PRKAR1B: variants seen among roughly 807,000 people sequenced by gnomAD.
PRKAR1B encodes cAMP-dependent protein kinase type I-beta regulatory subunit.
PRKAR1B carries 22 observed loss-of-function variants against 46.5 expected under a neutral mutation model. That is an observed-to-expected ratio of 0.47 (90% CI 0.34 to 0.68). The LOEUF is 0.68. Ranked by LOEUF, PRKAR1B falls within the 30% of genes least tolerant of loss-of-function variation. The pLI is 0.01. For missense variants in PRKAR1B, 445 were observed against 535.6 expected (o/e 0.83, Z 1.67); for synonymous variants, 259 against 217.7 (o/e 1.19, Z -1.67).
intron 1 of PRKAR1B, among the ~76,000 whole-genome samples, chr7:725,823 T>C (rs1781243854): frequency 1.3e-5 from 2 of 152,244 alleles, no homozygotes; most frequent in Admixed American, 1.3e-4. Context: ...TTTCAGGCTC[T>C]GCATTCTGAT....
chr7:699,338 T>G (rs1203430557), intron 2 of PRKAR1B, among the ~76,000 whole-genome samples: 1 of 152,188 alleles, frequency 6.6e-6, no homozygotes, highest in Non-Finnish European at 1.5e-5. Flanking sequence ...GTGCCATATC[T>G]CGGTGTTCCT....
chr7:631,123 G>T (rs1783713348), intron 4 of PRKAR1B, among the ~76,000 whole-genome samples: 1 of 151,992 alleles, frequency 6.6e-6, no homozygotes, highest in African/African-American at 2.4e-5. Context: ...GGTAATTTTT[G>T]TATTTTTAGT....
At chr7:726,778 G>C (rs943370779) in intron 1 of PRKAR1B, 1 of 1,270,630 alleles carries the variant, frequency 7.9e-7, no homozygotes, top group Non-Finnish European at 9.9e-7. Flanking sequence ...TGAGGGGGCC[G>C]AGACGGCTGA....
At chr7:634,437 GACTGC>G (rs1039693807) in intron 4 of PRKAR1B, among the ~76,000 whole-genome samples, 2 of 152,100 alleles carry the variant, frequency 1.3e-5, no homozygotes, top group African/African-American at 4.8e-5. Flanking sequence ...GTGATCTCAT[GACTGC>G]ACTCCAGCCT....
intron 2 of PRKAR1B, chr7:697,137 C>G (rs570198912): frequency 6.6e-6 from 1 of 152,320 alleles, no homozygotes; most frequent in African/African-American, 2.4e-5. Flanking sequence ...GCTCCGTGGC[C>G]AGAATGTGCC....
chr7:677,060 C>T (rs116400709), intron 4 of PRKAR1B, among the ~76,000 whole-genome samples, 169 bp downstream of exon 4: 13 of 151,070 alleles, frequency 8.6e-5, no homozygotes, highest in African/African-American at 2.7e-4. Context: ...GCCCACCTCC[C>T]GGAGGCCGGA....
chr7:596,333 C>T (rs377610946), intron 6 of PRKAR1B, 29 bp from the exon 7 acceptor site: 95 of 1,589,528 alleles, frequency 6.0e-5, no homozygotes, highest in African/African-American at 1.5e-4. Context: ...AGAAGTGTCA[C>T]GGGGGCCAGG....
At chr7:711,302 A>C in intron 2 of PRKAR1B, 27 bp downstream of exon 2, 2 of 1,612,884 alleles carry the variant, frequency 1.2e-6, no homozygotes, top group Admixed American at 1.7e-5. Flanking sequence ...GTGCGAAGGG[A>C]AGCAGCGGGC....
intron 2 of PRKAR1B, 57 bp from the exon 3 acceptor site, chr7:680,783 C>T (rs754537286): frequency 2.5e-6 from 4 of 1,594,108 alleles, no homozygotes; most frequent in Non-Finnish European, 3.4e-6. Flanking sequence ...CCCGGCCAGG[C>T]ACAGGGCCCA....
chr7:602,829 G>T lies in PRKAR1B; in HGVS notation c.549+3364C>A. ...AGCAGTGAGCTCTGTTCGTTTTTCT[G>T]AGTAATATGGAAATGGCACGGCTCA... On this transcript the variant is annotated intron_variant, in intron 6 of 10. Coordinates refer to ENST00000537384, the MANE Select transcript of PRKAR1B (RefSeq NM_001164760.2). The surrounding 1 kb of genome is among the most constrained non-coding windows in gnomAD (Gnocchi z 6.4). 1 of 157,648 alleles carries T rather than the reference G, an allele frequency of 6.3e-6. No individual in the cohort carries two copies. 9.8% of individuals were successfully genotyped at this position (157,648 alleles called of 1,614,324 possible).
In PRKAR1B at chr7:677,361, C is replaced by A. The variant is rs771789312; in HGVS notation, c.349-41G>T. On this transcript the variant is annotated intron_variant, in intron 3 of 10. Coordinates refer to ENST00000537384, the MANE Select transcript of PRKAR1B (RefSeq NM_001164760.2). ...CACATCACCGTGTGAGCCACCCTGG[C>A]CTGATGCTGTGACGCGGCCTGAAAT... is the stretch of plus-strand genomic sequence containing the variant. 2.8e-5 allele frequency: 44 copies of A among 1,580,122 alleles called. 2 individuals are homozygous for A. In the South Asian group the frequency reaches 4.9e-4, roughly 17 times the overall value.
chr7:563,906 T>G (rs1778975722), intron 9 of PRKAR1B, among the ~76,000 whole-genome samples: 1 of 152,022 alleles, frequency 6.6e-6, no homozygotes, highest in Admixed American at 6.5e-5. Context: ...TGTGCACACG[T>G]GTGCATGGGT....
Position 574,109 on chromosome 7 carries a change from A to C in PRKAR1B, c.891+5147T>G, listed in dbSNP as rs538358780. Among the ~76,000 whole-genome samples the C allele has an allele frequency of 1.2e-3, 181 of 152,308 alleles. 1 individual carries two copies. Among genetic ancestry groups the C allele is most frequent in the African/African-American group, 4.2e-3 (175 of 41,562 alleles). On this transcript the variant is annotated intron_variant, in intron 9 of 10. Coordinates refer to ENST00000537384, the MANE Select transcript of PRKAR1B (RefSeq NM_001164760.2). ...GACGCACCCACGATCCACGCCCCCCACACACATTTTCATGATTTTCCTACA... is the reference window on the plus strand; with the variant it reads ...GACGCACCCACGATCCACGCCCCCCCCACACATTTTCATGATTTTCCTACA...
At chr7:649,074 G>A (rs1029274364) in intron 4 of PRKAR1B, among the ~76,000 whole-genome samples, 5 of 152,072 alleles carry the variant, frequency 3.3e-5, no homozygotes, top group Non-Finnish European at 5.9e-5. Flanking sequence ...TGAGGCAGGA[G>A]CATCATTTGA....
In PRKAR1B at chr7:691,294, C is replaced by G. The variant is rs575448631; in HGVS notation, c.178-10568G>C. On this transcript the variant is annotated intron_variant, in intron 2 of 10. Transcript: ENST00000537384. ...TCGCCAGTGGAAATGGGTTTCCATC[C>G]GTGAAATGAGCCTGCAGGTGATGGG... 1.4e-4 allele frequency among the ~76,000 whole-genome samples: 21 copies of G among 152,344 alleles called. 1 individual carries two copies. The South Asian group carries it at 1.9e-3, about 14-fold the overall frequency.
At chr7:718,219 C>T (rs1234913242) in intron 1 of PRKAR1B, among the ~76,000 whole-genome samples, 1 of 150,334 alleles carries the variant, frequency 6.7e-6, no homozygotes, top group Non-Finnish European at 1.5e-5. Context: ...CCACAGACAG[C>T]CGGCCCCAGG....
chr7:587,334 G>GTGTTT (rs1472692650), intron 7 of PRKAR1B, among the ~76,000 whole-genome samples: 1 of 152,212 alleles, frequency 6.6e-6, no homozygotes, highest in Non-Finnish European at 1.5e-5. Flanking sequence ...GAGTGCCCTG[G>GTGTTT]ACAGGGGTGG....
At chr7:688,252 A>C (rs2128513511) in intron 2 of PRKAR1B, among the ~76,000 whole-genome samples, 1 of 152,102 alleles carries the variant, frequency 6.6e-6, no homozygotes, top group South Asian at 2.1e-4. Flanking sequence ...AAAATACAAA[A>C]AAAGTAGCTG....
At position 602,654 on chromosome 7, in the gene PRKAR1B, G is replaced by C. The variant is rs548272875; in HGVS notation, c.549+3539C>G. ...ATGAGGACAAGCCCGGGGCGTGGGT[G>C]GTGGGCGTTTCCTCTGTGGGGTGGA... On this transcript the variant is annotated intron_variant, in intron 6 of 10. Coordinates refer to ENST00000537384, the MANE Select transcript of PRKAR1B (RefSeq NM_001164760.2). This position sits in a 1 kb window ranked among gnomAD's most constrained non-coding sequence, Gnocchi z 6.4. 1.3e-4 allele frequency: 22 copies of C among 170,216 alleles called. No individual in the cohort carries two copies. In the South Asian group the frequency reaches 3.7e-3, roughly 28 times the overall value. The allele number at this position is 170,216 out of a possible 1,614,324, so 10.5% of individuals were successfully genotyped here. A position where few individuals can be genotyped will look rare whatever the true frequency, so the allele number is the denominator to read the frequency against.
Sources: gnomAD v4.1 joint callset for allele counts (sites outside exome capture counted in the v4.1 genomes callset) on GRCh38, gnomAD v4.1.1 for gene constraint, Gnocchi (gnomAD v3.1) non-coding constraint, MANE v1.5 for transcripts, NCBI Gene and HGNC (gene_info 2026-07-23, HGNC 2026-07-21) for gene names.